Variants in EPHA4 observed in about 807,000 individuals in gnomAD.
EPHA4 encodes the protein EPH receptor A4, also known as ephrin type-A receptor 4.
Under a neutral mutation model 108.3 loss-of-function variants are expected in EPHA4, and 19 were observed. That is an observed-to-expected ratio of 0.18 (90% CI 0.12 to 0.26). The LOEUF (loss-of-function observed/expected upper bound fraction) is 0.26, where lower values mean the gene tolerates loss of function less well. Ranked by LOEUF, EPHA4 falls within the 10% of genes least tolerant of loss-of-function variation. The pLI, the probability that EPHA4 is intolerant of heterozygous loss-of-function variation, is 1.00. For missense variants in EPHA4, 917 were observed against 1,254.0 expected, an observed-to-expected ratio of 0.73 and a Z score of 4.06; for synonymous variants, 449 against 455.5, an observed-to-expected ratio of 0.99 and a Z score of 0.18.
At chr2:221,568,654 C>T in intron 2 of EPHA4, 64 bp downstream of exon 2, 1 of 1,350,538 alleles carries the variant, frequency 7.4e-7, no homozygotes, top group African/African-American at 1.4e-5. Flanking sequence ...GCCATTAGGA[C>T]TCTCAGAAAG....
In EPHA4 at chr2:221,426,029, C is replaced by CA; in HGVS notation, c.2959dup (p.Ter987LeufsTer5). ...GTTTTGAGTTTATTCAGTACTGGCTCAGACGGGAACCATTCTGCCGTGCAT... is the reference window on the plus strand; with the variant it reads ...GTTTTGAGTTTATTCAGTACTGGCTCAAGACGGGAACCATTCTGCCGTGCAT... On this transcript the variant is annotated frameshift_variant and stop_lost, in exon 17 of 18. Coordinates refer to ENST00000281821, the MANE Select transcript of EPHA4 (RefSeq NM_004438.5). LOFTEE classifies it high-confidence loss of function. 1 of 1,613,770 alleles carries CA rather than the reference C, an allele frequency of 6.2e-7. No individual in the cohort carries two copies. Among genetic ancestry groups the CA allele is most frequent in the Non-Finnish European group, 8.5e-7 (1 of 1,179,768 alleles).
chr2:221,439,439 T>C (rs183233712), intron 11 of EPHA4, among the ~76,000 whole-genome samples: 77 of 151,078 alleles, frequency 5.1e-4, no homozygotes, highest in African/African-American at 1.6e-3. Flanking sequence ...GAGGTTACAG[T>C]GAGCCAAGAT....
At chr2:221,559,523 C>G (rs943626677) in intron 3 of EPHA4, among the ~76,000 whole-genome samples, 3 of 152,088 alleles carry the variant, frequency 2.0e-5, no homozygotes, top group African/African-American at 4.8e-5. Flanking sequence ...GCCTAGGCAA[C>G]AGAGTGAGAC....
At chr2:221,491,242 G>A (rs932607999) in intron 4 of EPHA4, among the ~76,000 whole-genome samples, 8 of 152,108 alleles carry the variant, frequency 5.3e-5, no homozygotes, top group African/African-American at 1.7e-4. Context: ...AAGCTACCAC[G>A]CCAAAGACCA....
At chr2:221,525,773 G>C (rs922099672) in intron 3 of EPHA4, among the ~76,000 whole-genome samples, 18 of 152,134 alleles carry the variant, frequency 1.2e-4, no homozygotes, top group African/African-American at 3.9e-4. Context: ...GGGAAGAACT[G>C]AGATTCTCTG....
intron 3 of EPHA4, among the ~76,000 whole-genome samples, chr2:221,546,676 CCT>C (rs1238991049): frequency 1.3e-5 from 2 of 152,052 alleles, no homozygotes; most frequent in African/African-American, 4.8e-5. Context: ...TTTCCCTCTG[CCT>C]CTGTCAGTGA....
chr2:221,569,133 A>G (rs1021814435), intron 1 of EPHA4, among the ~76,000 whole-genome samples: 1 of 152,202 alleles, frequency 6.6e-6, no homozygotes, highest in Non-Finnish European at 1.5e-5. Context: ...ATCTGCATTC[A>G]TCTCTGTCTG....
intron 3 of EPHA4, among the ~76,000 whole-genome samples, chr2:221,550,844 G>GA (rs916861919): frequency 2.0e-5 from 3 of 150,644 alleles, no homozygotes; most frequent in Non-Finnish European, 4.4e-5. Context: ...TTTATCACGA[G>GA]AAAAAATCTA....
In EPHA4 at chr2:221,420,088, A is replaced by G. The variant is rs1343846687; in HGVS notation, c.*1284T>C. On this transcript the variant is annotated 3_prime_UTR_variant, in exon 18 of 18. Coordinates refer to ENST00000281821, the MANE Select transcript of EPHA4 (RefSeq NM_004438.5). ...GGGTAAAATGTTACTTCCGCAATGC[A>G]TATCATAGGCAGCTCATGGAACTGG... 1 of 152,628 alleles carries G rather than the reference A, an allele frequency of 6.6e-6. No homozygotes were observed. The highest frequency in any genetic ancestry group is 1.5e-5 in the Non-Finnish European group (1 of 68,048). The allele number at this position is 152,628 out of a possible 1,614,324, so 9.5% of individuals were successfully genotyped here.
At chr2:221,439,199 C>CATAAAACCACTT (rs1335041849) in intron 11 of EPHA4, among the ~76,000 whole-genome samples, 1 of 152,088 alleles carries the variant, frequency 6.6e-6, no homozygotes, top group Non-Finnish European at 1.5e-5. Flanking sequence ...ACCAAAGGTG[C>CATAAAACCACTT]ATAAAACCAC....
At chr2:221,540,740 T>C (rs958165) in intron 3 of EPHA4, among the ~76,000 whole-genome samples, 15,887 of 152,214 alleles carry the variant, frequency 0.1, 1,044 homozygotes, top group East Asian at 0.15. Flanking sequence ...AAGGACTCCC[T>C]TTTATTAAGG....
chr2:221,563,895 CCT>C lies in EPHA4; in HGVS notation c.657_658del (p.Ala221Ter). 1 of 1,614,188 alleles carries C rather than the reference CCT, an allele frequency of 6.2e-7. No individual in the cohort carries two copies. Among genetic ancestry groups the C allele is most frequent in the Non-Finnish European group, 8.5e-7 (1 of 1,180,042 alleles). On this transcript the variant is annotated frameshift_variant, in exon 3 of 18. Transcript: ENST00000281821. LOFTEE classifies it high-confidence loss of function. ...TTCCACCAGGGAAGACGTATCAGCCCCTGTGATGGTGTCAGGAAACTGGGCCA... is the reference window on the plus strand; with the variant it reads ...TTCCACCAGGGAAGACGTATCAGCCCGTGATGGTGTCAGGAAACTGGGCCA...
At chr2:221,530,625 C>T (rs113682162) in intron 3 of EPHA4, among the ~76,000 whole-genome samples, 55 of 152,232 alleles carry the variant, frequency 3.6e-4, no homozygotes, top group African/African-American at 1.2e-3. Context: ...AGAAACCACC[C>T]GAAAAAGCTA....
At chr2:221,551,503 G>T (rs1376038060) in intron 3 of EPHA4, among the ~76,000 whole-genome samples, 1 of 152,084 alleles carries the variant, frequency 6.6e-6, no homozygotes, top group Non-Finnish European at 1.5e-5. Flanking sequence ...TGGTTCTCTA[G>T]AAGAAAGATC....
intron 2 of EPHA4, among the ~76,000 whole-genome samples, chr2:221,567,497 A>G (rs1694702202): frequency 6.6e-6 from 1 of 152,208 alleles, no homozygotes; most frequent in Non-Finnish European, 1.5e-5. Flanking sequence ...CCCTCCTTTA[A>G]AAAGATGGTT....
chr2:221,474,979 G>A (rs142467166), intron 5 of EPHA4, among the ~76,000 whole-genome samples: 126 of 152,152 alleles, frequency 8.3e-4, no homozygotes, highest in African/African-American at 2.6e-3. Flanking sequence ...AGCAATTCTC[G>A]TGTGCCTCAG....
intron 3 of EPHA4, among the ~76,000 whole-genome samples, chr2:221,525,189 G>C (rs915245239): frequency 2.6e-5 from 4 of 152,190 alleles, no homozygotes; most frequent in African/African-American, 9.7e-5. Flanking sequence ...CCTCAGGACA[G>C]AGCAGCTGCA....
Position 221,501,028 on chromosome 2 carries a change from A to G in EPHA4, c.968T>C (p.Met323Thr). The G allele has an allele frequency of 6.2e-7, 1 of 1,609,734 alleles. No individual in the cohort carries two copies. Among genetic ancestry groups the G allele is most frequent in the African/African-American group, 1.3e-5 (1 of 74,834 alleles). ...AGCATACAACTTACGGGTGCAGGGC[A>G]TAGAGGCAGCATCGTTGTCAGCTCT... ...FFRADNDAAS[M>T]PCTRPPSAPL... The change falls in exon 4 of 18, where the codon ATG becomes ACG. Residue 323 changes from methionine to threonine, a missense_variant. This residue lies in a region of EPHA4 where 758 missense variants were observed against 1,076.7 expected (regional missense o/e 0.70). Transcript: ENST00000281821.
In EPHA4 at chr2:221,468,073, T is replaced by G. The variant is rs563372571; in HGVS notation, c.1319-10083A>C. On this transcript the variant is annotated intron_variant, in intron 5 of 17. Coordinates refer to ENST00000281821, the MANE Select transcript of EPHA4 (RefSeq NM_004438.5). Reference sequence around the variant, plus strand: ...AATGCTTCTAGTGAGATGAATCTTCTCACTGGGCCTAAAAGTAGTGTTGAC... The same window carrying G: ...AATGCTTCTAGTGAGATGAATCTTCGCACTGGGCCTAAAAGTAGTGTTGAC... 5.9e-5 allele frequency among the ~76,000 whole-genome samples: 9 copies of G among 152,266 alleles called. No homozygotes were observed. The South Asian group carries it at 1.7e-3, about 28-fold the overall frequency.
Sources: gnomAD v4.1 joint callset for allele counts (sites outside exome capture counted in the v4.1 genomes callset) on GRCh38, gnomAD v4.1.1 for gene constraint, gnomAD v4.1.1 regional missense constraint, MANE v1.5 for transcripts, NCBI Gene and HGNC (gene_info 2026-07-23, HGNC 2026-07-21) for gene names.